The following PARD3B variants were observed in gnomAD, a reference collection of about 807,000 sequenced individuals.
PARD3B encodes partitioning defective 3 homolog B.
A neutral mutation model predicts 130.2 loss-of-function variants in PARD3B; 103 were observed. The ratio of observed to expected loss-of-function variants is 0.79; its 90% CI spans 0.67 to 0.93. The LOEUF (loss-of-function observed/expected upper bound fraction) is 0.93, where lower values mean the gene tolerates loss of function less well. Ranked by LOEUF, PARD3B falls within the 40% of genes least tolerant of loss-of-function variation. PARD3B has a pLI of 0.00. For missense variants in PARD3B, 1,609 were observed against 1,499.2 expected, an observed-to-expected ratio of 1.07 and a Z score of -1.21; for synonymous variants, 583 against 553.2, an observed-to-expected ratio of 1.05 and a Z score of -0.76.
chr2:205,069,830 T>C (rs1218350244), intron 4 of PARD3B, among the ~76,000 whole-genome samples: 2 of 152,166 alleles, frequency 1.3e-5, no homozygotes, highest in African/African-American at 2.4e-5. Context: ...GTGAGGCAGC[T>C]GGCCTTTGTA....
intron 4 of PARD3B, among the ~76,000 whole-genome samples, chr2:205,051,371 A>G (rs1193394330): frequency 6.6e-6 from 1 of 152,230 alleles, no homozygotes; most frequent in Admixed American, 6.6e-5. Flanking sequence ...ACAGGAAGAA[A>G]AAACAATCAA....
intron 11 of PARD3B, among the ~76,000 whole-genome samples, chr2:205,167,560 T>C (rs1278387325): frequency 6.6e-6 from 1 of 152,214 alleles, no homozygotes; most frequent in African/African-American, 2.4e-5. Context: ...TGCAATTTCT[T>C]CTTTTATAAA....
chr2:205,267,219 A>G (rs943718306), intron 16 of PARD3B, among the ~76,000 whole-genome samples: 2 of 152,044 alleles, frequency 1.3e-5, no homozygotes, highest in Admixed American at 1.3e-4. Flanking sequence ...CTGTTAACAG[A>G]CTCTTTTAAC....
chr2:205,555,237 A>G (rs937065827), intron 22 of PARD3B, among the ~76,000 whole-genome samples: 2 of 152,188 alleles, frequency 1.3e-5, no homozygotes, highest in African/African-American at 4.8e-5. Context: ...CAGAAATAGC[A>G]TTTAAAATTC....
At chr2:204,718,494 C>T (rs1267439204) in intron 2 of PARD3B, among the ~76,000 whole-genome samples, 1 of 152,012 alleles carries the variant, frequency 6.6e-6, no homozygotes, top group Non-Finnish European at 1.5e-5. Context: ...AACTCATTAT[C>T]GTGAGAACAG....
intron 2 of PARD3B, among the ~76,000 whole-genome samples, chr2:204,872,998 G>A (rs1454036729): frequency 1.3e-5 from 2 of 152,086 alleles, no homozygotes; most frequent in African/African-American, 4.8e-5. Context: ...GCTTTAATAA[G>A]CACTTCACTT....
intron 4 of PARD3B, among the ~76,000 whole-genome samples, chr2:205,049,812 T>C (rs372579074): frequency 2.1e-4 from 32 of 152,292 alleles, no homozygotes; most frequent in African/African-American, 7.0e-4. Context: ...TGATCAAATA[T>C]GGGCTGAGTC....
At chr2:205,471,356 T>TTC (rs1432425060) in intron 20 of PARD3B, among the ~76,000 whole-genome samples, 4 of 145,132 alleles carry the variant, frequency 2.8e-5, no homozygotes, top group African/African-American at 1.0e-4. Flanking sequence ...CACTTTTCTT[T>TTC]TTTTTTTTTT....
At chr2:205,278,665 T>G (rs951722413) in intron 16 of PARD3B, among the ~76,000 whole-genome samples, 2 of 152,178 alleles carry the variant, frequency 1.3e-5, no homozygotes, top group Non-Finnish European at 2.9e-5. Context: ...GAATTTAATT[T>G]TTCTACAAGT....
intron 21 of PARD3B, among the ~76,000 whole-genome samples, chr2:205,535,478 T>C (rs1440610992): frequency 6.6e-6 from 1 of 152,238 alleles, no homozygotes; most frequent in Non-Finnish European, 1.5e-5. Flanking sequence ...TGTTCTTCAT[T>C]GTAATCTGCA....
chr2:204,630,877 G>T (rs2034654596), intron 1 of PARD3B, among the ~76,000 whole-genome samples: 1 of 151,718 alleles, frequency 6.6e-6, no homozygotes, highest in African/African-American at 2.4e-5. Context: ...TCTAGATAGT[G>T]GTCTATTTTA....
chr2:205,504,366 T>C (rs909877731), intron 21 of PARD3B, among the ~76,000 whole-genome samples: 4 of 152,138 alleles, frequency 2.6e-5, no homozygotes, highest in Non-Finnish European at 4.4e-5. Flanking sequence ...CCAAAAGCAA[T>C]GGCAACAAAA....
intron 2 of PARD3B, among the ~76,000 whole-genome samples, chr2:204,746,202 A>T (rs868069204): frequency 7.2e-6 from 1 of 139,638 alleles, no homozygotes; most frequent in African/African-American, 2.7e-5. Flanking sequence ...TCATTGTTCA[A>T]TTCCCACCTA....
At chr2:204,666,012 C>G (rs1328824592) in intron 1 of PARD3B, among the ~76,000 whole-genome samples, 2 of 152,172 alleles carry the variant, frequency 1.3e-5, no homozygotes, top group Non-Finnish European at 2.9e-5. Context: ...CTGGTACTAA[C>G]CATTCTTTGT....
rs769918623 is a variant in PARD3B, at chr2:205,054,436, A to ATTT, written c.504+6765_504+6767dup. On this transcript the variant is annotated intron_variant, in intron 4 of 22. Coordinates refer to ENST00000406610, the MANE Select transcript of PARD3B (RefSeq NM_001302769.2). ...TATATATATATATATATATATATAT[A>ATTT]TTTTTTTTTTTTTTTTTTTTTAATT... is the stretch of plus-strand genomic sequence containing the variant. Among the ~76,000 whole-genome samples, 56 of 28,428 alleles carry ATTT rather than the reference A, an allele frequency of 2.0e-3. 3 individuals are homozygous for ATTT. Among genetic ancestry groups the ATTT allele is most frequent in the Admixed American group, 7.8e-3 (11 of 1,412 alleles). The allele number at this position is 28,428 out of a possible 152,430, so 18.6% of individuals were successfully genotyped here.
chr2:205,018,977 A>AT (rs1696383293), intron 3 of PARD3B, among the ~76,000 whole-genome samples: 1 of 152,086 alleles, frequency 6.6e-6, no homozygotes, highest in South Asian at 2.1e-4. Context: ...TTAACAGCTT[A>AT]TTGATGTATA....
chr2:205,588,892 T>G (rs2054288095), intron 22 of PARD3B, among the ~76,000 whole-genome samples: 1 of 152,214 alleles, frequency 6.6e-6, no homozygotes, highest in Non-Finnish European at 1.5e-5. Flanking sequence ...TGCCCTGGCT[T>G]TCAAAAGCAC....
chr2:205,610,251 G>A (rs147601869), intron 22 of PARD3B, among the ~76,000 whole-genome samples: 11 of 152,228 alleles, frequency 7.2e-5, no homozygotes, highest in Middle Eastern at 3.4e-3. Context: ...CCTTGACCTC[G>A]GGTTCGTGTT....
chr2:204,803,857 C>G (rs1192461478), intron 2 of PARD3B, among the ~76,000 whole-genome samples: 1 of 152,052 alleles, frequency 6.6e-6, no homozygotes, highest in African/African-American at 2.4e-5. Flanking sequence ...TCCTTACTTA[C>G]CAATAATAAC....
Sources: gnomAD v4.1 joint callset for allele counts (sites outside exome capture counted in the v4.1 genomes callset) on GRCh38, gnomAD v4.1.1 for gene constraint, MANE v1.5 for transcripts, NCBI Gene and HGNC (gene_info 2026-07-23, HGNC 2026-07-21) for gene names.